The following SORBS2 variants were observed in gnomAD, a reference collection of about 807,000 sequenced individuals.
The protein encoded by SORBS2 is sorbin and SH3 domain containing 2.
Under a neutral mutation model 97.7 loss-of-function variants are expected in SORBS2, and 46 were observed. That is an observed-to-expected ratio of 0.47 (90% CI 0.37 to 0.60). The LOEUF is 0.60. SORBS2 is among the 20% of genes least tolerant of loss of function. The probability of loss-of-function intolerance (pLI) is 0.00; values close to 1 mark genes in which losing one functional copy is unlikely to be tolerated. For missense variants in SORBS2, 1,316 were observed against 1,282.3 expected (o/e 1.03, Z -0.40); for synonymous variants, 476 against 473.4 (o/e 1.01, Z -0.07).
At chr4:185,818,614 C>G (rs1252963445) in intron 1 of SORBS2, among the ~76,000 whole-genome samples, 2 of 151,988 alleles carry the variant, frequency 1.3e-5, no homozygotes, top group African/African-American at 4.8e-5. Context: ...TGTGAGAGGT[C>G]AGGAGATCGA....
chr4:185,730,265 G>A (rs1161408641), intron 2 of SORBS2, among the ~76,000 whole-genome samples: 1 of 150,336 alleles, frequency 6.7e-6, no homozygotes, highest in African/African-American at 2.4e-5. Flanking sequence ...TACAAACCAG[G>A]AAAGTGTAAT....
chr4:185,888,802 T>C (rs944360985), intron 1 of SORBS2, among the ~76,000 whole-genome samples: 2 of 151,552 alleles, frequency 1.3e-5, no homozygotes, highest in African/African-American at 4.9e-5. Flanking sequence ...CTCTGAACAC[T>C]CAACACAGGG....
At chr4:185,856,739 A>T (rs1244730515) in intron 1 of SORBS2, among the ~76,000 whole-genome samples, 1 of 152,162 alleles carries the variant, frequency 6.6e-6, no homozygotes, top group Non-Finnish European at 1.5e-5. Flanking sequence ...GAAATACTCA[A>T]GACTAGGTAA....
chr4:185,788,275 A>G (rs1174899809), intron 1 of SORBS2, among the ~76,000 whole-genome samples: 1 of 152,246 alleles, frequency 6.6e-6, no homozygotes, highest in Non-Finnish European at 1.5e-5. Context: ...AGAGAAAGAA[A>G]AGAGATACCG....
At chr4:185,707,000 T>C (rs982724263) in intron 2 of SORBS2, among the ~76,000 whole-genome samples, 2 of 152,214 alleles carry the variant, frequency 1.3e-5, no homozygotes, top group African/African-American at 4.8e-5. Context: ...ATGCTTTTCT[T>C]GTGAATTAAC....
At chr4:185,637,922 C>T (rs1189888257) in intron 4 of SORBS2, among the ~76,000 whole-genome samples, 157 bp downstream of exon 15, 1 of 152,064 alleles carries the variant, frequency 6.6e-6, no homozygotes, top group Non-Finnish European at 1.5e-5. Flanking sequence ...CCATTTGGTA[C>T]AGAAATGAAT....
At chr4:185,677,214 G>T in intron 4 of SORBS2, 1 of 1,551,564 alleles carries the variant, frequency 6.4e-7, no homozygotes, top group African/African-American at 1.4e-5. Context: ...GAGAAATGAC[G>T]GTACTTCGAC....
chr4:185,664,215 G>A (rs959590068), intron 4 of SORBS2, among the ~76,000 whole-genome samples: 2 of 152,068 alleles, frequency 1.3e-5, no homozygotes, highest in African/African-American at 4.8e-5. Flanking sequence ...ACTATCATTA[G>A]CATTTTAGAA....
At chr4:185,678,429 T>C in exon 4 of SORBS2, 7 of 1,549,882 alleles carry the variant, frequency 4.5e-6, no homozygotes, top group Non-Finnish European at 6.1e-6. Flanking sequence ...TTACCTGAGT[T>C]GGTGATCTTT....
chr4:185,939,918 C>T (rs2099271018), intron 1 of SORBS2, among the ~76,000 whole-genome samples: 3 of 152,218 alleles, frequency 2.0e-5, no homozygotes, highest in South Asian at 4.1e-4. Flanking sequence ...CCAACACTCT[C>T]CACCTTGTCA....
At chr4:185,773,260 C>T (rs889899085) in intron 2 of SORBS2, 1 of 152,214 alleles carries the variant, frequency 6.6e-6, no homozygotes, top group Admixed American at 6.5e-5. Context: ...CGCACCCCAT[C>T]CCCCCAACAA....
chr4:185,866,509 A>G (rs768898421), intron 1 of SORBS2, among the ~76,000 whole-genome samples: 5 of 152,222 alleles, frequency 3.3e-5, no homozygotes, highest in Non-Finnish European at 7.3e-5. Flanking sequence ...CAAGAGCGTC[A>G]TGTTTCTTCC....
chr4:185,731,177 CAG>C (rs917130587), intron 2 of SORBS2, among the ~76,000 whole-genome samples: 4 of 152,142 alleles, frequency 2.6e-5, no homozygotes, highest in African/African-American at 9.7e-5. Flanking sequence ...CTCATCTTGA[CAG>C]AGTCAAATGC....
At chr4:185,889,862 C>G (rs1317848223) in intron 1 of SORBS2, among the ~76,000 whole-genome samples, 1 of 152,124 alleles carries the variant, frequency 6.6e-6, no homozygotes, top group African/African-American at 2.4e-5. Context: ...CCACTCACTC[C>G]CCCACAATTC....
chr4:185,733,337 C>T (rs1343817817), intron 2 of SORBS2, among the ~76,000 whole-genome samples: 1 of 152,150 alleles, frequency 6.6e-6, no homozygotes, highest in Admixed American at 6.5e-5. Context: ...TCCAGATAAC[C>T]CTTGAGTGTG....
At chr4:185,660,189 A>G (rs1207992108), upstream of SORBS2, among the ~76,000 whole-genome samples, 1 of 152,204 alleles carries the variant, frequency 6.6e-6, no homozygotes, top group Non-Finnish European at 1.5e-5. Context: ...GCCTATCTAC[A>G]TTCAAGTATT....
At chr4:185,806,595 C>T (rs1010281147) in intron 1 of SORBS2, among the ~76,000 whole-genome samples, 14 of 150,212 alleles carry the variant, frequency 9.3e-5, no homozygotes, top group African/African-American at 3.2e-4. Context: ...GTAGCTGGGA[C>T]TACAGGCGCC....
At chr4:185,597,735 AG>A in intron 12 of SORBS2, among the ~76,000 whole-genome samples, 1 of 152,304 alleles carries the variant, frequency 6.6e-6, no homozygotes, top group Admixed American at 6.5e-5. Flanking sequence ...TCAAATGGCA[AG>A]TCGCTTAAGC....
chr4:185,714,609 G>A (rs1344463128), intron 2 of SORBS2, among the ~76,000 whole-genome samples: 1 of 152,190 alleles, frequency 6.6e-6, no homozygotes, highest in Non-Finnish European at 1.5e-5. Flanking sequence ...AAGGAAAGAG[G>A]TTTAATGGAC....
Sources: allele counts gnomAD v4.1 joint callset (sites outside exome capture counted in the v4.1 genomes callset), GRCh38; gene constraint gnomAD v4.1.1; transcripts MANE v1.5; gene names NCBI Gene and HGNC (gene_info 2026-07-23, HGNC 2026-07-21).